The following ZFHX4 variants were observed in gnomAD, a reference collection of about 807,000 sequenced individuals.
ZFHX4 encodes the protein zinc finger homeobox 4, also known as zinc finger homeobox protein 4.
A neutral mutation model predicts 267.6 loss-of-function variants in ZFHX4; 56 were observed. The observed-to-expected ratio is 0.21, with a 90% confidence interval of 0.17 to 0.26. The LOEUF (loss-of-function observed/expected upper bound fraction) is 0.26, where lower values mean the gene tolerates loss of function less well. ZFHX4 is among the 10% of genes least tolerant of loss of function. The probability of loss-of-function intolerance (pLI) is 1.00; values close to 1 mark genes in which losing one functional copy is unlikely to be tolerated. For synonymous variants in ZFHX4, 1,778 were observed against 1,665.6 expected, an observed-to-expected ratio of 1.07 and a Z score of -1.64; for missense variants, 4,332 against 4,420.0, an observed-to-expected ratio of 0.98 and a Z score of 0.56.
chr8:76,853,428 C>T lies in ZFHX4; in HGVS notation c.6507C>T (p.Ser2169=), dbSNP rs1191915386. Residue 2169 remains serine (S), a synonymous_variant, in exon 10 of 11, where the codon TCC becomes TCT. Transcript: ENST00000651372. The stretch of plus-strand genomic sequence containing the variant: ...AAATGGCAGAGAAATCTGGCCTCTC[C>T]CAAAAAGTTATCAAACACTGGTTTA... ...IQEMAEKSGL[S]QKVIKHWFRN... 1 of 1,613,724 alleles carries T rather than the reference C, an allele frequency of 6.2e-7. No homozygotes were observed.
chr8:76,853,175 C>A lies in ZFHX4; in HGVS notation c.6254C>A (p.Pro2085His). 2 of 1,552,302 alleles carry A rather than the reference C, an allele frequency of 1.3e-6. No individual in the cohort carries two copies. The highest frequency in any genetic ancestry group is 1.7e-6 in the Non-Finnish European group (2 of 1,147,608). ...LPLFPSIMMQ[P>H]VQHPALPPQL... is the part of the protein sequence containing the mutation. Reference sequence around the variant, plus strand: ...CTCTTTCCTTCCATTATGATGCAACCTGTGCAACACCCTGCGCTTCCTCCC... The same window carrying A: ...CTCTTTCCTTCCATTATGATGCAACATGTGCAACACCCTGCGCTTCCTCCC... The change falls in exon 10 of 11, where the codon CCT (proline) becomes CAT (histidine). Residue 2085 changes from proline (P) to histidine (H), a missense_variant. Physicochemically the swap from Pro to His is moderately conservative, Grantham distance 77. Coordinates refer to ENST00000651372, the MANE Select transcript of ZFHX4 (RefSeq NM_024721.5).
chr8:76,799,023 A>G (rs930409811), intron 4 of ZFHX4, among the ~76,000 whole-genome samples: 2 of 152,232 alleles, frequency 1.3e-5, no homozygotes, highest in Non-Finnish European at 2.9e-5. Context: ...CATATTTACA[A>G]TAAGAATGTT....
At chr8:76,862,152 T>C (rs1229837442) in intron 10 of ZFHX4, among the ~76,000 whole-genome samples, 1 of 152,234 alleles carries the variant, frequency 6.6e-6, no homozygotes, top group East Asian at 1.9e-4. Context: ...CTCATAAAAA[T>C]GGCTGTGTAA....
rs1812946901 is a variant in ZFHX4 at position 76,863,815 on chromosome 8, G to A, written c.10101G>A (p.Lys3367=). 4 of 1,552,426 alleles carry A rather than the reference G, an allele frequency of 2.6e-6. No homozygotes were observed. The highest frequency in any genetic ancestry group is 3.5e-6 in the Non-Finnish European group (4 of 1,147,312). The change falls in exon 11 of 11, where the codon AAG becomes AAA. Residue 3367 remains lysine, a synonymous_variant. Transcript: ENST00000651372. ...PQNSNDASET[K]EDKSTATEST... ...ACTCCAACGATGCTTCAGAAACAAAGGAAGACAAAAGTACTGCTACAGAAA... is the reference window on the plus strand; with the variant it reads ...ACTCCAACGATGCTTCAGAAACAAAAGAAGACAAAAGTACTGCTACAGAAA...
At chr8:76,695,559 A>G (rs1282343458) in intron 1 of ZFHX4, among the ~76,000 whole-genome samples, 4 of 152,232 alleles carry the variant, frequency 2.6e-5, no homozygotes, top group African/African-American at 7.2e-5. Context: ...CTTTCTTTAC[A>G]GAGACTTCAT....
At chr8:76,827,937 G>T (rs1470082346) in intron 4 of ZFHX4, among the ~76,000 whole-genome samples, 1 of 152,218 alleles carries the variant, frequency 6.6e-6, no homozygotes, top group Non-Finnish European at 1.5e-5. Flanking sequence ...CTGCCTGGAA[G>T]AAATAATTTA....
At chr8:76,750,570 C>T (rs964110746) in intron 3 of ZFHX4, among the ~76,000 whole-genome samples, 1 of 152,002 alleles carries the variant, frequency 6.6e-6, no homozygotes, top group Non-Finnish European at 1.5e-5. Flanking sequence ...AACTGCTAGC[C>T]AGATTTATTC....
chr8:76,692,143 C>T (rs1160995228), intron 1 of ZFHX4, among the ~76,000 whole-genome samples: 3 of 151,986 alleles, frequency 2.0e-5, no homozygotes, highest in Non-Finnish European at 4.4e-5. Flanking sequence ...TCTGAATCTT[C>T]ATTTTTTTTT....
chr8:76,726,879 A>G (rs141590331), intron 3 of ZFHX4, among the ~76,000 whole-genome samples: 99 of 152,318 alleles, frequency 6.5e-4, no homozygotes, highest in Admixed American at 2.3e-3. Flanking sequence ...TTGGGCATAT[A>G]AAGGCCCTGA....
chr8:76,727,140 G>A (rs770422771), intron 3 of ZFHX4, among the ~76,000 whole-genome samples: 6 of 152,072 alleles, frequency 3.9e-5, no homozygotes, highest in South Asian at 2.1e-4. Flanking sequence ...CAGCCTGTTC[G>A]TCTGCGTGCA....
chr8:76,782,144 A>G (rs1212278366), intron 4 of ZFHX4: 1 of 299,568 alleles, frequency 3.3e-6, no homozygotes, highest in Non-Finnish European at 6.3e-6. Context: ...TTCTTCTAGC[A>G]TCTTCTTGCC....
At chr8:76,765,558 A>G (rs1810030386) in intron 3 of ZFHX4, among the ~76,000 whole-genome samples, 1 of 152,160 alleles carries the variant, frequency 6.6e-6, no homozygotes, top group African/African-American at 2.4e-5. Flanking sequence ...CCCAGCAGAA[A>G]TCACTTCTAA....
In ZFHX4 at chr8:76,864,582, C is replaced by A. The variant is rs1812979582; in HGVS notation, c.*17C>A. 1 of 1,411,124 alleles carries A rather than the reference C, an allele frequency of 7.1e-7. No homozygotes were observed. The highest frequency in any genetic ancestry group is 9.3e-7 in the Non-Finnish European group (1 of 1,070,658). The allele number at this position is 1,411,124 out of a possible 1,614,324, so 87.4% of individuals were successfully genotyped here. ...AGTGTGTAGGAGTGAAGACAGGATC[C>A]CGTGCTTAAAAAAATAAAAAATAAA... On this transcript the variant is annotated 3_prime_UTR_variant, in exon 11 of 11. Transcript: ENST00000651372.
At chr8:76,782,724 C>T (rs534921996) in intron 4 of ZFHX4, among the ~76,000 whole-genome samples, 2 of 152,020 alleles carry the variant, frequency 1.3e-5, no homozygotes, top group South Asian at 2.1e-4. Flanking sequence ...AGCCATTATC[C>T]GAAAGACCAT....
At chr8:76,857,040 C>A (rs562557947) in intron 10 of ZFHX4, among the ~76,000 whole-genome samples, 2 of 152,112 alleles carry the variant, frequency 1.3e-5, no homozygotes, top group African/African-American at 4.8e-5. Context: ...TAAGGCATAA[C>A]AAATTTGTAA....
At chr8:76,839,861 C>A (rs772330381) in intron 5 of ZFHX4, among the ~76,000 whole-genome samples, 1 of 152,128 alleles carries the variant, frequency 6.6e-6, no homozygotes, top group Non-Finnish European at 1.5e-5. Context: ...TCCCTTAACC[C>A]GAGTTCTAAC....
chr8:76,746,707 C>T (rs1809468257), intron 3 of ZFHX4, among the ~76,000 whole-genome samples: 2 of 152,106 alleles, frequency 1.3e-5, no homozygotes, highest in Non-Finnish European at 2.9e-5. Flanking sequence ...AATACCAGAA[C>T]ATGAAAGAGT....
rs747430844 is a variant in ZFHX4, at chr8:76,856,107, A to G, written c.9186A>G (p.Gln3062=). The change falls in exon 10 of 11, where the codon CAA becomes CAG. Residue 3062 remains glutamine, a synonymous_variant. Coordinates refer to ENST00000651372, the MANE Select transcript of ZFHX4 (RefSeq NM_024721.5). ...PTTVRQLMAQ[Q]ELDRIKKASD... ...CGGTTCGGCAGCTGATGGCACAGCA[A>G]GAACTTGATCGTATAAAGAAAGCTT... is the stretch of plus-strand genomic sequence containing the variant. The G allele has an allele frequency of 1.9e-6, 3 of 1,614,022 alleles. No individual in the cohort carries two copies. Among genetic ancestry groups the G allele is most frequent in the Non-Finnish European group, 1.7e-6 (2 of 1,179,868 alleles).
chr8:76,802,221 C>T (rs187959093), intron 4 of ZFHX4, among the ~76,000 whole-genome samples: 46 of 152,168 alleles, frequency 3.0e-4, no homozygotes, highest in Admixed American at 4.6e-4. Context: ...CAAGATTATC[C>T]AGAACTGTCA....
Sources: allele counts gnomAD v4.1 joint callset (sites outside exome capture counted in the v4.1 genomes callset), GRCh38; gene constraint gnomAD v4.1.1; transcripts MANE v1.5; gene names NCBI Gene and HGNC (gene_info 2026-07-23, HGNC 2026-07-21).